Variants in PCCA observed in about 807,000 individuals in gnomAD.
PCCA encodes the protein propionyl-CoA carboxylase subunit alpha.
In PCCA, 74 loss-of-function variants were observed where a neutral mutation model predicts 101.3. That is an observed-to-expected ratio of 0.73 (90% CI 0.61 to 0.89). The LOEUF is 0.89. Ranked by LOEUF, PCCA falls within the 40% of genes least tolerant of loss-of-function variation. PCCA has a pLI of 0.00. For synonymous variants in PCCA, 294 were observed against 313.6 expected (o/e 0.94, Z 0.66); for missense variants, 891 against 907.0 (o/e 0.98, Z 0.23).
At chr13:100,464,164 C>T (rs978005612) in intron 21 of PCCA, among the ~76,000 whole-genome samples, 3 of 152,198 alleles carry the variant, frequency 2.0e-5, no homozygotes, top group Non-Finnish European at 2.9e-5. Context: ...TTTGAGATTA[C>T]AAGTTATGTG....
At chr13:100,485,982 T>G (rs539030251) in intron 21 of PCCA, among the ~76,000 whole-genome samples, 7 of 152,328 alleles carry the variant, frequency 4.6e-5, no homozygotes, top group Admixed American at 4.6e-4. Context: ...TTAGTCTACC[T>G]GAGCTCCCCC....
chr13:100,313,943 T>A (rs1309819632), intron 16 of PCCA, among the ~76,000 whole-genome samples: 1 of 152,164 alleles, frequency 6.6e-6, no homozygotes, highest in East Asian at 1.9e-4. Context: ...AGTCTTTTTT[T>A]ATTGTTTTTT....
chr13:100,271,893 A>G (rs898935903), intron 11 of PCCA, among the ~76,000 whole-genome samples: 13 of 152,232 alleles, frequency 8.5e-5, no homozygotes, highest in African/African-American at 2.7e-4. Context: ...CAGAGTGGCT[A>G]TGTATTAATA....
At chr13:100,288,088 T>C (rs1285557072) in intron 12 of PCCA, among the ~76,000 whole-genome samples, 2 of 152,188 alleles carry the variant, frequency 1.3e-5, no homozygotes, top group East Asian at 3.8e-4. Flanking sequence ...TCTGTTTGAT[T>C]AAGAAAGAGA....
At chr13:100,126,044 G>A (rs892999184) in intron 4 of PCCA, among the ~76,000 whole-genome samples, 1 of 152,098 alleles carries the variant, frequency 6.6e-6, no homozygotes, top group African/African-American at 2.4e-5. Context: ...TGTACGAATT[G>A]GACAGGCAAT....
At chr13:100,493,202 A>G (rs1409673787) in intron 21 of PCCA, among the ~76,000 whole-genome samples, 3 of 152,210 alleles carry the variant, frequency 2.0e-5, no homozygotes, top group Admixed American at 2.0e-4. Flanking sequence ...TCTCCCTCCC[A>G]TAAGGGGTTT....
intron 12 of PCCA, among the ~76,000 whole-genome samples, chr13:100,282,551 A>G (rs964529025): frequency 2.0e-5 from 3 of 152,196 alleles, no homozygotes; most frequent in African/African-American, 2.4e-5. Context: ...CAGCCGGGCA[A>G]TGAGGGGCTT....
intron 16 of PCCA, among the ~76,000 whole-genome samples, chr13:100,312,192 CAT>C (rs1268016662): frequency 6.6e-6 from 1 of 152,178 alleles, no homozygotes; most frequent in Non-Finnish European, 1.5e-5. Context: ...GGTGTGAAAA[CAT>C]ATGAAAAGAT....
intron 20 of PCCA, among the ~76,000 whole-genome samples, chr13:100,448,780 C>T: frequency 6.6e-6 from 1 of 152,264 alleles, no homozygotes; most frequent in South Asian, 2.1e-4. Context: ...TTTTCTATAA[C>T]TATTTTATTG....
intron 16 of PCCA, among the ~76,000 whole-genome samples, chr13:100,312,617 G>A (rs1414562085): frequency 6.6e-6 from 1 of 152,170 alleles, no homozygotes; most frequent in Non-Finnish European, 1.5e-5. Flanking sequence ...TGAATTATGA[G>A]CATGTTCACC....
intron 14 of PCCA, chr13:100,305,835 G>A (rs528147939): frequency 3.6e-5 from 16 of 448,292 alleles, no homozygotes; most frequent in Middle Eastern, 3.4e-4. Flanking sequence ...AGTATATTTC[G>A]TAAGTGTGCT....
At chr13:100,246,748 T>C (rs2061453443) in intron 8 of PCCA, among the ~76,000 whole-genome samples, 2 of 152,196 alleles carry the variant, frequency 1.3e-5, no homozygotes, top group African/African-American at 2.4e-5. Flanking sequence ...TCAGATTTGA[T>C]GAAAATTGCT....
chr13:100,405,978 G>T (rs945107598), intron 19 of PCCA, among the ~76,000 whole-genome samples: 1 of 151,946 alleles, frequency 6.6e-6, no homozygotes, highest in Non-Finnish European at 1.5e-5. Flanking sequence ...TGTTGGCCAG[G>T]ATGGTCTCGA....
intron 6 of PCCA, among the ~76,000 whole-genome samples, chr13:100,174,369 T>C (rs372379413): frequency 1.3e-5 from 2 of 150,384 alleles, no homozygotes; most frequent in East Asian, 3.9e-4. Context: ...ATAGAGAAAA[T>C]AACCAGGTTT....
chr13:100,425,297 C>A (rs370882270), intron 19 of PCCA, among the ~76,000 whole-genome samples: 1 of 152,206 alleles, frequency 6.6e-6, no homozygotes, highest in African/African-American at 2.4e-5. Flanking sequence ...GTGTGGGTTG[C>A]AAGATGTCAC....
intron 4 of PCCA, among the ~76,000 whole-genome samples, chr13:100,132,981 A>G (rs1195677238): frequency 1.3e-5 from 2 of 152,106 alleles, no homozygotes; most frequent in Admixed American, 1.3e-4. Flanking sequence ...GGGTTTCACC[A>G]TGTTGGCCAG....
chr13:100,275,537 T>A (rs1052077566), intron 12 of PCCA, among the ~76,000 whole-genome samples: 1 of 152,188 alleles, frequency 6.6e-6, no homozygotes, highest in South Asian at 2.1e-4. Flanking sequence ...AAGCAGTGTA[T>A]AATTTTTCAG....
At chr13:100,183,269 T>G (rs2056963025) in intron 6 of PCCA, among the ~76,000 whole-genome samples, 1 of 152,190 alleles carries the variant, frequency 6.6e-6, no homozygotes, top group African/African-American at 2.4e-5. Context: ...GTTTCATAAC[T>G]GTGGTATCAT....
In PCCA at chr13:100,164,788, C is replaced by G. The variant is rs568765492; in HGVS notation, c.468+7448C>G. Among the ~76,000 whole-genome samples the G allele has an allele frequency of 2.3e-3, 357 of 152,224 alleles. 1 individual carries two copies. Among genetic ancestry groups the G allele is most frequent in the Non-Finnish European group, 4.1e-3 (276 of 68,014 alleles). ...TCACAATGTTTTGCAATCATCAGCT[C>G]CAGAACTTTATAATCACCCCAAACT... On this transcript the variant is annotated intron_variant, in intron 6 of 23. Coordinates refer to ENST00000376285, the MANE Select transcript of PCCA (RefSeq NM_000282.4).
Sources: gnomAD v4.1 joint callset for allele counts (sites outside exome capture counted in the v4.1 genomes callset) on GRCh38, gnomAD v4.1.1 for gene constraint, MANE v1.5 for transcripts, NCBI Gene and HGNC (gene_info 2026-07-23, HGNC 2026-07-21) for gene names.